SOX5: variants seen among roughly 807,000 people sequenced by gnomAD.
SOX5 encodes the protein transcription factor SOX-5.
Under a neutral mutation model 92.0 loss-of-function variants are expected in SOX5, and 9 were observed. The observed-to-expected ratio is 0.10, with a 90% CI of 0.06 to 0.17. The LOEUF (loss-of-function observed/expected upper bound fraction) is 0.17, where lower values mean the gene tolerates loss of function less well. Ranked by LOEUF, SOX5 falls within the 10% of genes least tolerant of loss-of-function variation. The pLI is 1.00. For synonymous variants in SOX5, 344 were observed against 336.3 expected, an observed-to-expected ratio of 1.02 and a Z score of -0.25; for missense variants, 642 against 944.5, an observed-to-expected ratio of 0.68 and a Z score of 4.20.
Position 24,177,327 on chromosome 12 carries a change from C to A in SOX5, c.-2+36016G>T, listed in dbSNP as rs79042256. ...TATAAGCAATCTAATTCCAAAGACC[C>A]CTTTTAACCACCATATTTCTATGTC... On this transcript the variant is annotated intron_variant, in intron 4 of 4. Transcript: ENST00000446891. 8.5e-3 allele frequency among the ~76,000 whole-genome samples: 1,286 copies of A among 152,174 alleles called. 11 individuals are homozygous for A. The highest frequency in any genetic ancestry group is 0.02 in the Middle Eastern group (6 of 294).
At chr12:23,634,972 T>G (rs577531198) in intron 8 of SOX5, among the ~76,000 whole-genome samples, 1 of 152,314 alleles carries the variant, frequency 6.6e-6, no homozygotes, top group South Asian at 2.1e-4. Context: ...ATAAAATATT[T>G]CAAGCACTTG....
At chr12:23,830,660 A>G (rs1594847822) in intron 3 of SOX5, among the ~76,000 whole-genome samples, 1 of 152,160 alleles carries the variant, frequency 6.6e-6, no homozygotes, top group East Asian at 1.9e-4. Flanking sequence ...TTTTAAAACA[A>G]GAGTGAATTT....
chr12:24,052,152 G>A (rs1165944082), intron 4 of SOX5, among the ~76,000 whole-genome samples: 2 of 152,036 alleles, frequency 1.3e-5, no homozygotes, highest in Non-Finnish European at 2.9e-5. Flanking sequence ...TTAAACACAG[G>A]AGATCCCAGA....
intron 2 of SOX5, among the ~76,000 whole-genome samples, chr12:23,882,968 T>A (rs1264097993): frequency 1.3e-5 from 2 of 151,962 alleles, no homozygotes; most frequent in African/African-American, 4.8e-5. Flanking sequence ...GATCACAAGG[T>A]CAGGAGATCG....
intron 4 of SOX5, among the ~76,000 whole-genome samples, chr12:23,963,341 T>G (rs539030763): frequency 3.3e-5 from 5 of 152,320 alleles, no homozygotes; most frequent in African/African-American, 1.2e-4. Flanking sequence ...TTATGTTCTA[T>G]TACTTCAAAA....
intron 3 of SOX5, among the ~76,000 whole-genome samples, chr12:23,765,261 T>C (rs1470401496): frequency 6.6e-6 from 1 of 151,198 alleles, no homozygotes; most frequent in Non-Finnish European, 1.5e-5. Context: ...GGTAAGAAAA[T>C]ACAACAGTTT....
chr12:23,600,667 T>C (rs1281142836), intron 9 of SOX5, among the ~76,000 whole-genome samples: 1 of 151,388 alleles, frequency 6.6e-6, no homozygotes, highest in East Asian at 1.9e-4. Flanking sequence ...TTCAAGGACC[T>C]GTAACTCAAC....
At chr12:23,799,127 G>C (rs2095617424) in intron 3 of SOX5, among the ~76,000 whole-genome samples, 1 of 151,932 alleles carries the variant, frequency 6.6e-6, no homozygotes, top group African/African-American at 2.4e-5. Context: ...AAATAAGGGA[G>C]TATTTTGGTG....
chr12:23,536,013 G>A (rs537689134), intron 14 of SOX5, among the ~76,000 whole-genome samples: 1 of 152,254 alleles, frequency 6.6e-6, no homozygotes, highest in South Asian at 2.1e-4. Flanking sequence ...GGCCACACAT[G>A]TACCTTGATA....
At chr12:24,332,584 A>C (rs1595675853) in intron 2 of SOX5, among the ~76,000 whole-genome samples, 1 of 152,148 alleles carries the variant, frequency 6.6e-6, no homozygotes, top group South Asian at 2.1e-4. Flanking sequence ...ATCTAAAAAT[A>C]AAAAATAAAA....
chr12:23,977,408 A>G (rs918458722), intron 4 of SOX5, among the ~76,000 whole-genome samples: 1 of 152,154 alleles, frequency 6.6e-6, no homozygotes, highest in African/African-American at 2.4e-5. Context: ...GGTGGCTAAC[A>G]CCTGTAACCC....
intron 4 of SOX5, among the ~76,000 whole-genome samples, chr12:24,181,724 A>G (rs1053139589): frequency 1.3e-5 from 2 of 152,178 alleles, no homozygotes; most frequent in East Asian, 3.8e-4. Context: ...TTAAAAATAT[A>G]CTGAATCCTG....
chr12:24,473,432 G>C (rs1043958688), intron 1 of SOX5, among the ~76,000 whole-genome samples: 1 of 152,236 alleles, frequency 6.6e-6, no homozygotes, highest in South Asian at 2.1e-4. Context: ...CATGCCACTT[G>C]TGGAAACTCA....
At chr12:24,121,513 C>T (rs1380785724) in intron 4 of SOX5, among the ~76,000 whole-genome samples, 3 of 148,106 alleles carry the variant, frequency 2.0e-5, no homozygotes, top group African/African-American at 7.5e-5. Context: ...TGATGCTTTA[C>T]AGAAGTTTAT....
chr12:23,723,077 T>C (rs1165766384), intron 6 of SOX5, among the ~76,000 whole-genome samples: 3 of 152,126 alleles, frequency 2.0e-5, no homozygotes, highest in Non-Finnish European at 4.4e-5. Flanking sequence ...CTCCTCTTTT[T>C]CTGGCTGCAT....
rs548574950 is a variant in SOX5, at chr12:24,254,190, T to C, written c.-77+23026A>G. ...TTAGTACCACTGCACAATACTGAACTAGATGGATTATGGGTCTCATCGGGA... is the reference window on the plus strand; with the variant it reads ...TTAGTACCACTGCACAATACTGAACCAGATGGATTATGGGTCTCATCGGGA... On this transcript the variant is annotated intron_variant, in intron 3 of 4. Coordinates refer to the SOX5 transcript ENST00000446891. Among the ~76,000 whole-genome samples, 5 of 152,190 alleles carry C rather than the reference T, an allele frequency of 3.3e-5. No individual in the cohort carries two copies. The East Asian group carries it at 9.7e-4, about 29-fold the overall frequency.
At chr12:24,412,434 T>G (rs1032970949) in intron 1 of SOX5, among the ~76,000 whole-genome samples, 1 of 152,090 alleles carries the variant, frequency 6.6e-6, no homozygotes, top group Non-Finnish European at 1.5e-5. Context: ...TAAACTTCCC[T>G]CTCAAAGTTG....
intron 1 of SOX5, among the ~76,000 whole-genome samples, chr12:24,436,418 A>G (rs552116115): frequency 6.6e-6 from 1 of 152,364 alleles, no homozygotes; most frequent in Non-Finnish European, 1.5e-5. Context: ...GATAAAAAAA[A>G]TCAAACCAGC....
At chr12:23,644,095 A>G (rs577876228) in intron 7 of SOX5, among the ~76,000 whole-genome samples, 1 of 152,220 alleles carries the variant, frequency 6.6e-6, no homozygotes, top group Admixed American at 6.5e-5. Flanking sequence ...AAGTAATGCT[A>G]TTTTACATTT....
Sources: allele counts gnomAD v4.1 joint callset (sites outside exome capture counted in the v4.1 genomes callset), GRCh38; gene constraint gnomAD v4.1.1; transcripts MANE v1.5; gene names NCBI Gene and HGNC (gene_info 2026-07-23, HGNC 2026-07-21).